Variants in FAM184A observed in about 807,000 individuals in gnomAD.
The protein encoded by FAM184A is protein FAM184A.
FAM184A carries 99 observed loss-of-function variants against 143.8 expected under a neutral mutation model. The ratio of observed to expected loss-of-function variants is 0.69; its 90% CI spans 0.58 to 0.81. The LOEUF (loss-of-function observed/expected upper bound fraction) is 0.81, where lower values mean the gene tolerates loss of function less well. FAM184A is among the 40% of genes least tolerant of loss of function. The probability of loss-of-function intolerance (pLI) is 0.00; values close to 1 mark genes in which losing one functional copy is unlikely to be tolerated. For missense variants in FAM184A, 1,217 were observed against 1,310.5 expected (o/e 0.93, Z 1.10); for synonymous variants, 427 against 446.4 (o/e 0.96, Z 0.55).
intron 1 of FAM184A, among the ~76,000 whole-genome samples, chr6:119,051,707 A>T (rs1318704548): frequency 2.6e-5 from 4 of 152,218 alleles, no homozygotes; most frequent in Admixed American, 2.6e-4. Flanking sequence ...GAAAAAAAAG[A>T]ATATCCTGCT....
At chr6:119,076,854 T>C (rs919548336) in intron 1 of FAM184A, among the ~76,000 whole-genome samples, 15 of 152,306 alleles carry the variant, frequency 9.8e-5, no homozygotes, top group African/African-American at 3.4e-4. Context: ...TTTCTCTGAA[T>C]GCAATACTCT....
At chr6:119,112,347 C>T (rs985177955) in intron 1 of FAM184A, among the ~76,000 whole-genome samples, 2 of 152,076 alleles carry the variant, frequency 1.3e-5, no homozygotes, top group Admixed American at 6.5e-5. Context: ...AAGCTGGTCT[C>T]GAACTCCCAA....
At chr6:119,145,425 G>A (rs7775389) in intron 1 of FAM184A, among the ~76,000 whole-genome samples, 53,726 of 151,932 alleles carry the variant, frequency 0.35, 9,827 homozygotes, top group East Asian at 0.53. Context: ...CTTTGGGTAC[G>A]ATCTGATTCC....
rs552161092 is a variant in FAM184A, at chr6:118,970,193, G to A, written c.2916-3241C>T. ...TAATTTTTGTATTTTTAGTAGAGAC[G>A]GGGTTTTACCATGTTGGTCAGGCTG... On this transcript the variant is annotated intron_variant, in intron 14 of 17. Transcript: ENST00000338891. Among the ~76,000 whole-genome samples, 6 of 149,890 alleles carry A rather than the reference G, an allele frequency of 4.0e-5. No homozygotes were observed. In the South Asian group the frequency reaches 1.1e-3, roughly 27 times the overall value.
intron 3 of FAM184A, among the ~76,000 whole-genome samples, chr6:119,021,456 G>A (rs777412879): frequency 2.4e-4 from 37 of 152,182 alleles, no homozygotes; most frequent in Non-Finnish European, 1.8e-4. Flanking sequence ...CCTAAGAAAT[G>A]AACTGCTGTA....
intron 1 of FAM184A, among the ~76,000 whole-genome samples, chr6:119,033,208 T>C (rs1785956536): frequency 6.6e-6 from 1 of 152,192 alleles, no homozygotes; most frequent in South Asian, 2.1e-4. Context: ...ATGTCATCCT[T>C]ACTGTATAAG....
At chr6:118,981,672 C>G (rs973833660) in intron 9 of FAM184A, among the ~76,000 whole-genome samples, 1 of 152,122 alleles carries the variant, frequency 6.6e-6, no homozygotes, top group African/African-American at 2.4e-5. Context: ...CTTTAAAAAG[C>G]AGCAGGAACA....
chr6:118,980,487 T>G, intron 9 of FAM184A, 137 bp from the exon 10 acceptor site: 1 of 633,132 alleles, frequency 1.6e-6, no homozygotes, highest in Non-Finnish European at 2.7e-6. Flanking sequence ...TAAAATATTC[T>G]AAAATATATC....
rs1258008871 is a variant in FAM184A at position 119,078,310 on chromosome 6, G to C, written c.-11C>G. On this transcript the variant is annotated 5_prime_UTR_variant, in exon 1 of 18. Transcript: ENST00000338891. The surrounding 1 kb of genome is among the most constrained non-coding windows in gnomAD (Gnocchi z 5.5). ...GCCCGGGGTCGCCATCTTCCCAACA[G>C]ACCCCAGCCGGGGCACCTGTCCCCG... 1.4e-6 allele frequency: 2 copies of C among 1,441,486 alleles called. No homozygotes were observed. The highest frequency in any genetic ancestry group is 2.6e-5 in the Admixed American group (1 of 38,914). The allele number at this position is 1,441,486 out of a possible 1,614,324, so 89.3% of individuals were successfully genotyped here. A position where few individuals can be genotyped will look rare whatever the true frequency, so the allele number is the denominator to read the frequency against.
At chr6:118,978,151 T>C (rs1783904030) in intron 11 of FAM184A, among the ~76,000 whole-genome samples, 1 of 152,050 alleles carries the variant, frequency 6.6e-6, no homozygotes, top group African/African-American at 2.4e-5. Context: ...TTAGTAGAGA[T>C]GCAGTTTCAC....
intron 1 of FAM184A, among the ~76,000 whole-genome samples, chr6:119,064,134 T>C (rs1214257271): frequency 6.6e-6 from 1 of 152,168 alleles, no homozygotes; most frequent in Non-Finnish European, 1.5e-5. Flanking sequence ...TCTTCATACA[T>C]ACCAATTGTC....
chr6:119,000,134 C>CT (rs1469803377), intron 9 of FAM184A, among the ~76,000 whole-genome samples: 5 of 152,058 alleles, frequency 3.3e-5, no homozygotes, highest in African/African-American at 1.2e-4. Flanking sequence ...CAGTCCAATG[C>CT]TTTAAGGCTG....
At chr6:119,053,898 C>T (rs1180994824) in intron 1 of FAM184A, among the ~76,000 whole-genome samples, 2 of 152,082 alleles carry the variant, frequency 1.3e-5, no homozygotes, top group East Asian at 3.9e-4. Flanking sequence ...CTGTTGTTTC[C>T]TATGGTGATA....
intron 7 of FAM184A, among the ~76,000 whole-genome samples, chr6:119,003,927 G>C (rs553372580): frequency 7.9e-5 from 12 of 152,100 alleles, no homozygotes; most frequent in African/African-American, 1.2e-4. Flanking sequence ...GGTATCTAAC[G>C]GTAGACTGAT....
rs138338185 is a variant in FAM184A at position 119,016,331 on chromosome 6, C to T, written c.1530+416G>A. ...GGAAGCTTTGTTCTTTCACTCTTTGCAATAAATCTTGCTACTGCTCACTCT... is the reference window on the plus strand; with the variant it reads ...GGAAGCTTTGTTCTTTCACTCTTTGTAATAAATCTTGCTACTGCTCACTCT... On this transcript the variant is annotated intron_variant, in intron 5 of 17. Transcript: ENST00000338891. 3.7e-3 allele frequency among the ~76,000 whole-genome samples: 566 copies of T among 152,218 alleles called. 10 individuals are homozygous for T. The East Asian group carries it at 0.038, about 10-fold the overall frequency.
At chr6:119,093,444 C>A (rs1009453851) in intron 1 of FAM184A, among the ~76,000 whole-genome samples, 2 of 152,212 alleles carry the variant, frequency 1.3e-5, no homozygotes, top group Admixed American at 6.5e-5. Context: ...TCTCACTTAC[C>A]TATCCTATTC....
intron 1 of FAM184A, among the ~76,000 whole-genome samples, chr6:119,036,280 C>A (rs1786110357): frequency 6.6e-6 from 1 of 151,138 alleles, no homozygotes; most frequent in African/African-American, 2.4e-5. Flanking sequence ...ATTATGTAAT[C>A]AAATGAATGT....
intron 1 of FAM184A, among the ~76,000 whole-genome samples, chr6:119,091,828 C>T (rs1044798259): frequency 6.6e-6 from 1 of 152,190 alleles, no homozygotes; most frequent in Non-Finnish European, 1.5e-5. Context: ...GTTTTTGTTG[C>T]TGACAAGTCA....
At chr6:119,146,787 G>A (rs921229346) in intron 1 of FAM184A, among the ~76,000 whole-genome samples, 14 of 152,034 alleles carry the variant, frequency 9.2e-5, no homozygotes, top group Non-Finnish European at 8.8e-5. Context: ...TGGGAGTAGA[G>A]TTAAAATCAC....
Sources: allele counts gnomAD v4.1 joint callset (sites outside exome capture counted in the v4.1 genomes callset), GRCh38; gene constraint gnomAD v4.1.1; non-coding constraint Gnocchi (gnomAD v3.1); transcripts MANE v1.5; gene names NCBI Gene and HGNC (gene_info 2026-07-23, HGNC 2026-07-21).